SLC38A8: variants seen among roughly 807,000 people sequenced by gnomAD.
SLC38A8 encodes the protein solute carrier family 38 member 8.
A neutral mutation model predicts 46.0 loss-of-function variants in SLC38A8; 65 were observed. The ratio of observed to expected loss-of-function variants is 1.41; its 90% CI spans 1.16 to 1.74. SLC38A8 has a LOEUF of 1.74. Among genes scored for constraint, SLC38A8 ranks in the 40% most tolerant of loss-of-function variants. SLC38A8 has a pLI of 0.00. For synonymous variants in SLC38A8, 447 were observed against 243.7 expected (o/e 1.83, Z -7.77); for missense variants, 998 against 567.9 (o/e 1.76, Z -7.70).
chr16:84,042,309 G>A, intron 1 of SLC38A8, 150 bp from the exon 2 acceptor site: 1 of 789,758 alleles, frequency 1.3e-6, no homozygotes, highest in Non-Finnish European at 1.9e-6. Context: ...TTTCCAAAGG[G>A]TGCTGCATGC....
At chr16:84,029,040 C>A (rs2085203644) in intron 6 of SLC38A8, among the ~76,000 whole-genome samples, 1 of 152,138 alleles carries the variant, frequency 6.6e-6, no homozygotes, top group South Asian at 2.1e-4. Flanking sequence ...CTCCTCTACC[C>A]TGTACCCCTC....
intron 10 of SLC38A8, among the ~76,000 whole-genome samples, chr16:84,011,899 T>A (rs899816520): frequency 6.6e-6 from 1 of 151,912 alleles, no homozygotes; most frequent in Non-Finnish European, 1.5e-5. Flanking sequence ...CTAAAATAAA[T>A]AAAAGCAGAG....
chr16:84,017,347 C>G (rs1490422436), intron 7 of SLC38A8, 60 bp from the exon 8 acceptor site: 2 of 1,584,366 alleles, frequency 1.3e-6, no homozygotes, highest in South Asian at 1.1e-5. Context: ...CCCCCTCCCC[C>G]ACCAACAGAC....
intron 10 of SLC38A8, among the ~76,000 whole-genome samples, chr16:84,010,843 T>A (rs990976060): frequency 2.6e-5 from 4 of 151,716 alleles, no homozygotes; most frequent in Admixed American, 6.6e-5. Flanking sequence ...CCCATGAAAA[T>A]GAAGGAGAAG....
At chr16:84,013,505 A>C (rs149341491) in intron 9 of SLC38A8, among the ~76,000 whole-genome samples, 5,612 of 131,942 alleles carry the variant, frequency 0.043, 169 homozygotes, top group Admixed American at 0.11. Context: ...ATCTCGGCTC[A>C]CTGCAACCTC....
chr16:84,038,634 G>A (rs958146786), intron 2 of SLC38A8, among the ~76,000 whole-genome samples: 1 of 152,198 alleles, frequency 6.6e-6, no homozygotes, highest in East Asian at 1.9e-4. Flanking sequence ...TGTATTGCTG[G>A]AAGATGTACA....
chr16:84,034,612 C>T (rs1377477949), intron 3 of SLC38A8, among the ~76,000 whole-genome samples: 1 of 152,172 alleles, frequency 6.6e-6, no homozygotes, highest in East Asian at 1.9e-4. Flanking sequence ...TCTTTGTTCT[C>T]ACTCAACAAG....
Position 84,016,538 on chromosome 16 carries a change from G to A in SLC38A8, c.1143C>T (p.Phe381=), listed in dbSNP as rs1001747778. 3.7e-6 allele frequency: 6 copies of A among 1,614,036 alleles called. No homozygotes were observed. The highest frequency in any genetic ancestry group is 4.2e-6 in the Non-Finnish European group (5 of 1,179,960). The part of the protein sequence containing the change: ...IVSIIGGISS[F]FIFIFPGLCL... ...CCTCACCTGGGAAGATGAAGATGAA[G>A]AAGGAACTGATGCCTCCGATGATGC... The change falls in exon 9 of 11, where the codon TTC becomes TTT. Residue 381 remains phenylalanine (F), a synonymous_variant. Transcript: ENST00000299709.
chr16:84,033,615 G>T, intron 3 of SLC38A8, 146 bp from the exon 4 acceptor site: 1 of 877,882 alleles, frequency 1.1e-6, no homozygotes, highest in Admixed American at 3.2e-5. Flanking sequence ...AAGTGAGATG[G>T]AGACAGGTCA....
rs1029642133 is a variant in SLC38A8, at chr16:84,025,701, C to T, written c.691-2812G>A. Among the ~76,000 whole-genome samples the T allele has an allele frequency of 2.0e-5, 3 of 152,212 alleles. No homozygotes were observed. The South Asian group carries it at 6.2e-4, about 31-fold the overall frequency. On this transcript the variant is annotated intron_variant, in intron 6 of 10. Transcript: ENST00000299709. ...ATGAGTCCTCCTCGGTGCAAGTGAG[C>T]CAAGCCAAGGAAACAAGCCCAGCAC...
At chr16:84,019,537 A>G (rs2151116088) in intron 7 of SLC38A8, among the ~76,000 whole-genome samples, 1 of 152,320 alleles carries the variant, frequency 6.6e-6, no homozygotes, top group South Asian at 2.1e-4. Flanking sequence ...CTGGCAATTT[A>G]ATTTCAACAA....
chr16:84,011,764 G>C (rs541057047), intron 10 of SLC38A8, among the ~76,000 whole-genome samples: 37 of 152,278 alleles, frequency 2.4e-4, no homozygotes, highest in African/African-American at 8.2e-4. Flanking sequence ...GGCGTCTGTG[G>C]TCCCAGCTAC....
At chr16:84,033,839 G>A (rs957415842) in intron 3 of SLC38A8, among the ~76,000 whole-genome samples, 1 of 152,192 alleles carries the variant, frequency 6.6e-6, no homozygotes, top group African/African-American at 2.4e-5. Context: ...GCCTGAAGTC[G>A]ATTTTTGGCC....
At chr16:84,023,371 G>C (rs904548366) in intron 6 of SLC38A8, among the ~76,000 whole-genome samples, 1 of 152,108 alleles carries the variant, frequency 6.6e-6, no homozygotes, top group African/African-American at 2.4e-5. Context: ...CTCTGACCAA[G>C]AAAAAGCACC....
intron 7 of SLC38A8, among the ~76,000 whole-genome samples, chr16:84,018,155 G>A (rs891600634): frequency 6.6e-6 from 1 of 151,770 alleles, no homozygotes; most frequent in Non-Finnish European, 1.5e-5. Flanking sequence ...TCTTGCCAAT[G>A]GGGACTGTCT....
chr16:84,010,783 T>G (rs745996100), intron 10 of SLC38A8, among the ~76,000 whole-genome samples: 2 of 151,982 alleles, frequency 1.3e-5, no homozygotes, highest in Non-Finnish European at 2.9e-5. Context: ...AGACACTACT[T>G]TGAAAAGTCC....
At chr16:84,012,527 A>G (rs1028735936) in intron 10 of SLC38A8, among the ~76,000 whole-genome samples, 10 of 152,280 alleles carry the variant, frequency 6.6e-5, no homozygotes, top group African/African-American at 2.4e-4. Context: ...CAGCTGTAGG[A>G]TGAAGACATG....
chr16:84,019,036 G>C (rs2085065593), intron 7 of SLC38A8, among the ~76,000 whole-genome samples: 1 of 151,986 alleles, frequency 6.6e-6, no homozygotes, highest in Non-Finnish European at 1.5e-5. Flanking sequence ...CCTGCAGAAA[G>C]AGTCAAGTCA....
At chr16:84,039,968 G>C (rs888162950) in intron 2 of SLC38A8, 1 of 152,124 alleles carries the variant, frequency 6.6e-6, no homozygotes. Context: ...AGTACTAATC[G>C]CGCCCGACCC....
Sources: gnomAD v4.1 joint callset for allele counts (sites outside exome capture counted in the v4.1 genomes callset) on GRCh38, gnomAD v4.1.1 for gene constraint, MANE v1.5 for transcripts, NCBI Gene and HGNC (gene_info 2026-07-23, HGNC 2026-07-21) for gene names.